Variants in THSD4 observed in about 807,000 individuals in gnomAD.
THSD4 encodes the protein thrombospondin type-1 domain-containing protein 4.
A neutral mutation model predicts 119.0 loss-of-function variants in THSD4; 69 were observed. That is an observed-to-expected ratio of 0.58 (90% CI 0.48 to 0.71). The LOEUF is 0.71. Ranked by LOEUF, THSD4 falls within the 30% of genes least tolerant of loss-of-function variation. The pLI is 0.00. For synonymous variants in THSD4, 524 were observed against 540.4 expected (o/e 0.97, Z 0.42); for missense variants, 1,393 against 1,391.1 (o/e 1.00, Z -0.02).
intron 7 of THSD4, among the ~76,000 whole-genome samples, chr15:71,434,388 T>C (rs1240787693): frequency 1.3e-5 from 2 of 150,736 alleles, no homozygotes; most frequent in Non-Finnish European, 2.9e-5. Flanking sequence ...TTTGGAGTGT[T>C]ATGAGGAAGA....
chr15:71,459,618 G>A (rs952936046), intron 7 of THSD4, among the ~76,000 whole-genome samples: 3 of 151,968 alleles, frequency 2.0e-5, no homozygotes, highest in Non-Finnish European at 4.4e-5. Context: ...TTTTTAATTT[G>A]AAAAATACAA....
intron 8 of THSD4, among the ~76,000 whole-genome samples, chr15:71,710,778 A>C (rs180905459): frequency 5.3e-4 from 80 of 152,256 alleles, no homozygotes; most frequent in Non-Finnish European, 9.6e-4. Flanking sequence ...TTACAATTTC[A>C]TGGTACGTTC....
Position 71,757,571 on chromosome 15 carries a change from C to T in THSD4, c.2416-331C>T, listed in dbSNP as rs548599361. On this transcript the variant is annotated intron_variant, in intron 14 of 17. Coordinates refer to ENST00000261862, the MANE Select transcript of THSD4 (RefSeq NM_024817.3). ...TCAGCCTCCCAAAGCTCTGGTACCA[C>T]AGGCGTGAGCCACAATACCCGGCCA... Among the ~76,000 whole-genome samples, 5 of 152,402 alleles carry T rather than the reference C, an allele frequency of 3.3e-5. No homozygotes were observed. In the East Asian group the frequency reaches 9.6e-4, roughly 29 times the overall value.
At chr15:71,680,519 A>C (rs2051751437) in intron 8 of THSD4, among the ~76,000 whole-genome samples, 1 of 152,250 alleles carries the variant, frequency 6.6e-6, no homozygotes, top group African/African-American at 2.4e-5. Flanking sequence ...CAACTGCATT[A>C]AGATTTCTTG....
At position 71,256,713 on chromosome 15, in the gene THSD4, A is replaced by T. The variant is rs566093121; in HGVS notation, c.1013A>T (p.Glu338Val). 21 of 1,613,512 alleles carry T rather than the reference A, an allele frequency of 1.3e-5. No homozygotes were observed. The highest frequency in any genetic ancestry group is 1.8e-5 in the Non-Finnish European group (21 of 1,179,722). The change falls in exon 6 of 18, where the codon GAA (glutamate) becomes GTA (valine). Residue 338 changes from glutamate (E) to valine (V), a missense_variant and splice_region_variant. Glu to Val is a moderately radical substitution (Grantham distance 121). Transcript: ENST00000261862. The stretch of plus-strand genomic sequence containing the variant: ...TTTTATGAGTGGGAACCATTTGCAG[A>T]AGGTAAGAATAGACCCAGCCCTGTC... ...GRFYEWEPFA[E>V]VKGNRKCELN...
At chr15:71,662,034 T>G (rs1267653152) in intron 8 of THSD4, among the ~76,000 whole-genome samples, 1 of 152,156 alleles carries the variant, frequency 6.6e-6, no homozygotes, top group East Asian at 1.9e-4. Context: ...TAGCTCCAGG[T>G]GTAGTAGCCT....
At chr15:71,209,521 C>T in intron 3 of THSD4, among the ~76,000 whole-genome samples, 1 of 152,200 alleles carries the variant, frequency 6.6e-6, no homozygotes, top group East Asian at 1.9e-4. Flanking sequence ...CTTCCCTTCC[C>T]TCAGTGGCAG....
chr15:71,251,837 A>C (rs2044263556), intron 5 of THSD4, among the ~76,000 whole-genome samples: 2 of 152,200 alleles, frequency 1.3e-5, no homozygotes, highest in African/African-American at 4.8e-5. Flanking sequence ...CAGGGTCACT[A>C]GAAATGTGGC....
At chr15:71,315,567 T>C (rs1393893740) in intron 6 of THSD4, among the ~76,000 whole-genome samples, 1 of 152,242 alleles carries the variant, frequency 6.6e-6, no homozygotes, top group Non-Finnish European at 1.5e-5. Flanking sequence ...TCCTCTGTGG[T>C]CAGTCCTCCA....
chr15:71,256,847 A>G (rs1245561704), intron 6 of THSD4, 132 bp downstream of exon 6: 4 of 746,524 alleles, frequency 5.4e-6, no homozygotes, highest in East Asian at 2.8e-5. Flanking sequence ...GTGTGACTCC[A>G]GGGCAAAGAG....
chr15:71,574,714 G>C (rs2049417189), intron 7 of THSD4, among the ~76,000 whole-genome samples: 1 of 152,058 alleles, frequency 6.6e-6, no homozygotes, highest in Non-Finnish European at 1.5e-5. Context: ...GGTGATACAA[G>C]ACCTCTAAAC....
intron 6 of THSD4, among the ~76,000 whole-genome samples, chr15:71,288,486 C>A (rs975311791): frequency 2.6e-5 from 4 of 152,104 alleles, no homozygotes; most frequent in Non-Finnish European, 5.9e-5. Flanking sequence ...CTTCTAGGAA[C>A]AAGTGAGGGT....
intron 7 of THSD4, among the ~76,000 whole-genome samples, chr15:71,439,588 C>T (rs1414901429): frequency 1.3e-5 from 2 of 152,138 alleles, no homozygotes; most frequent in Admixed American, 6.5e-5. Context: ...GCACTACTCA[C>T]AATAGCAAAG....
At chr15:71,132,162 G>A (rs2040509716) in intron 1 of THSD4, among the ~76,000 whole-genome samples, 1 of 152,134 alleles carries the variant, frequency 6.6e-6, no homozygotes, top group South Asian at 2.1e-4. Context: ...AATTGTTTTT[G>A]AAAATAATTC....
chr15:71,235,432 G>A (rs1170711192), intron 4 of THSD4, among the ~76,000 whole-genome samples: 1 of 152,082 alleles, frequency 6.6e-6, no homozygotes, highest in African/African-American at 2.4e-5. Context: ...ATCTAGTACG[G>A]GGACTTAGAT....
rs1300623096 is a variant in THSD4 at position 71,589,807 on chromosome 15, C to A, written c.1153-70723C>A. Among the ~76,000 whole-genome samples, 2 of 139,034 alleles carry A rather than the reference C, an allele frequency of 1.4e-5. 1 individual carries two copies. Among genetic ancestry groups the A allele is most frequent in the African/African-American group, 5.0e-5 (2 of 39,804 alleles). The allele number at this position is 139,034 out of a possible 152,430, so 91.2% of individuals were successfully genotyped here. A position where few individuals can be genotyped will look rare whatever the true frequency, so the allele number is the denominator to read the frequency against. On this transcript the variant is annotated intron_variant, in intron 7 of 17. Transcript: ENST00000261862. ...CAATAATTGGAAACATTCTCAATCT[C>A]CATCCCCACGAGAATAGATAAATAA...
At chr15:71,364,272 T>C (rs1007085204) in intron 6 of THSD4, among the ~76,000 whole-genome samples, 2 of 152,208 alleles carry the variant, frequency 1.3e-5, no homozygotes, top group Non-Finnish European at 2.9e-5. Flanking sequence ...CTTGCAACAC[T>C]GGGCAAGTCT....
At chr15:71,686,525 G>A (rs2051913621) in intron 8 of THSD4, among the ~76,000 whole-genome samples, 2 of 152,170 alleles carry the variant, frequency 1.3e-5, no homozygotes, top group South Asian at 4.1e-4. Flanking sequence ...TCTGTCAGTT[G>A]ATATAAACCA....
intron 7 of THSD4, among the ~76,000 whole-genome samples, chr15:71,568,754 C>T (rs1177421347): frequency 6.6e-6 from 1 of 152,162 alleles, no homozygotes; most frequent in Admixed American, 6.5e-5. Context: ...CCCGACCCCA[C>T]AACAGGTCCC....
Sources: allele counts gnomAD v4.1 joint callset (sites outside exome capture counted in the v4.1 genomes callset), GRCh38; gene constraint gnomAD v4.1.1; transcripts MANE v1.5; gene names NCBI Gene and HGNC (gene_info 2026-07-23, HGNC 2026-07-21).